IKZF1: variants seen among roughly 807,000 people sequenced by gnomAD.
IKZF1 encodes the protein IKAROS family zinc finger 1.
A neutral mutation model predicts 51.7 loss-of-function variants in IKZF1; 10 were observed. That is an observed-to-expected ratio of 0.19 (90% CI 0.12 to 0.33). IKZF1 has a LOEUF of 0.33. Among genes scored for constraint, IKZF1 ranks in the 10% least tolerant of loss-of-function variants. IKZF1 has a pLI of 1.00. For missense variants in IKZF1, 484 were observed against 707.5 expected, an observed-to-expected ratio of 0.68 and a Z score of 3.58; for synonymous variants, 280 against 282.3, an observed-to-expected ratio of 0.99 and a Z score of 0.08.
intron 6 of IKZF1, 140 bp from the exon 7 acceptor site, chr7:50,391,589 T>A: frequency 7.7e-7 from 1 of 1,300,868 alleles, no homozygotes; most frequent in Non-Finnish European, 1.0e-6. Context: ...TCTGGAAGTG[T>A]TGCTGGGAAG....
At chr7:50,326,848 T>A (rs1182461648) in intron 2 of IKZF1, among the ~76,000 whole-genome samples, 3 of 152,246 alleles carry the variant, frequency 2.0e-5, no homozygotes, top group African/African-American at 7.2e-5. Flanking sequence ...CAGTCTTCTT[T>A]TCCCCACTAA....
intron 3 of IKZF1, among the ~76,000 whole-genome samples, chr7:50,352,969 C>G (rs763227461): frequency 1.3e-5 from 2 of 152,148 alleles, no homozygotes; most frequent in African/African-American, 2.4e-5. Context: ...TTTTTTTATA[C>G]TTTGTTTTCT....
chr7:50,400,723 G>A lies in IKZF1; in HGVS notation c.*96G>A. The A allele has an allele frequency of 3.6e-6, 5 of 1,372,192 alleles. No individual in the cohort carries two copies. Among genetic ancestry groups the A allele is most frequent in the Middle Eastern group, 2.2e-4 (1 of 4,518 alleles). 85.0% of individuals were successfully genotyped at this position (1,372,192 alleles called of 1,614,324 possible). ...TCCCGCCAGCAGCATAGACTGGACT[G>A]GACCAGACAATGTTGTGTTTGGATT... On this transcript the variant is annotated 3_prime_UTR_variant, in exon 8 of 8. Transcript: ENST00000331340. The surrounding 1 kb of genome is among the most constrained non-coding windows in gnomAD (Gnocchi z 5.4).
intron 3 of IKZF1, chr7:50,368,222 A>G (rs1193570365): frequency 1.4e-6 from 1 of 703,254 alleles, no homozygotes; most frequent in Non-Finnish European, 2.6e-6. Context: ...GGGTATTTAT[A>G]CCATAAAGTG....
intron 3 of IKZF1, among the ~76,000 whole-genome samples, chr7:50,375,514 A>G (rs1809977912): frequency 6.6e-6 from 1 of 152,210 alleles, no homozygotes. Context: ...TCTCTTAGTC[A>G]TTATAGTGTT....
At chr7:50,305,248 T>TG (rs1291610085) in intron 1 of IKZF1, among the ~76,000 whole-genome samples, 1 of 152,214 alleles carries the variant, frequency 6.6e-6, no homozygotes, top group East Asian at 1.9e-4. Context: ...TAAAGTCGTG[T>TG]GTAAAGAGTT....
At chr7:50,372,425 T>C (rs1435250681) in intron 3 of IKZF1, among the ~76,000 whole-genome samples, 3 of 152,240 alleles carry the variant, frequency 2.0e-5, no homozygotes, top group Non-Finnish European at 4.4e-5. Flanking sequence ...CGTCATAACA[T>C]GGCTTAGAAG....
chr7:50,327,578 G>A (rs1795359858), intron 2 of IKZF1, 60 bp from the exon 3 acceptor site: 1 of 1,516,946 alleles, frequency 6.6e-7, no homozygotes, highest in Admixed American at 2.1e-5. Context: ...CAAAAGCCGG[G>A]GGAAGCCCAG....
chr7:50,391,964 ATTT>A (rs1222906994), intron 7 of IKZF1, 101 bp downstream of exon 7: 1 of 1,410,496 alleles, frequency 7.1e-7, no homozygotes, highest in African/African-American at 1.4e-5. Flanking sequence ...AAAAAATCTT[ATTT>A]TTTCAAAAGG....
Position 50,322,790 on chromosome 7 carries a change from C to T in IKZF1, c.40+3689C>T, listed in dbSNP as rs187879782. 2.6e-5 allele frequency among the ~76,000 whole-genome samples: 4 copies of T among 152,272 alleles called. No individual in the cohort carries two copies. The East Asian group carries it at 7.7e-4, about 29-fold the overall frequency. ...ATCAGCATCCCACCTCTACCTCCCA[C>T]GATGGGACCTGAGACAGTTATTTTT... On this transcript the variant is annotated intron_variant, in intron 2 of 7. Coordinates refer to ENST00000331340, the MANE Select transcript of IKZF1 (RefSeq NM_006060.6).
Position 50,400,434 on chromosome 7 carries a change from G to A in IKZF1, c.1367G>A (p.Gly456Glu), listed in dbSNP as rs1473108192. ...GCGCTCCGCGTGGTCAGCACCAGCG[G>A]GGAGCAGATGAAGGTGTACAAGTGC... Reference protein sequence around the residue: ...QDALRVVSTSGEQMKVYKCEH... With the variant: ...QDALRVVSTSEEQMKVYKCEH... The change falls in exon 8 of 8, where the codon GGG becomes GAG. Residue 456 changes from glycine (G) to glutamate (E), a missense_variant. Physicochemically the swap from Gly to Glu is moderately conservative, Grantham distance 98. Coordinates refer to ENST00000331340, the MANE Select transcript of IKZF1 (RefSeq NM_006060.6). The surrounding 1 kb of genome is among the most constrained non-coding windows in gnomAD (Gnocchi z 5.4). 6.2e-7 allele frequency: 1 copy of A among 1,613,934 alleles called. No homozygotes were observed. Among genetic ancestry groups the A allele is most frequent in the Non-Finnish European group, 8.5e-7 (1 of 1,179,870 alleles).
intron 3 of IKZF1, among the ~76,000 whole-genome samples, chr7:50,353,917 A>G (rs941975012): frequency 6.6e-6 from 1 of 152,168 alleles, no homozygotes; most frequent in Non-Finnish European, 1.5e-5. Context: ...CAGACCCTTC[A>G]TGCCACACTG....
At chr7:50,372,752 G>A (rs978527390) in intron 3 of IKZF1, among the ~76,000 whole-genome samples, 7 of 151,382 alleles carry the variant, frequency 4.6e-5, no homozygotes, top group Admixed American at 2.0e-4. Context: ...CATCTAGGTG[G>A]AGATCTAGGT....
chr7:50,357,207 C>G (rs960866038), intron 3 of IKZF1, among the ~76,000 whole-genome samples: 6 of 152,030 alleles, frequency 3.9e-5, no homozygotes, highest in Non-Finnish European at 8.8e-5. Context: ...CACCTCCCAC[C>G]ACAGGACCCC....
Position 50,399,960 on chromosome 7 carries a change from G to A in IKZF1, c.893G>A (p.Ser298Asn). ...LSDTPYDSSA[S>N]YEKENEMMKS... Reference sequence around the variant, plus strand: ...GACACGCCCTACGACAGCAGCGCCAGCTACGAGAAGGAGAACGAAATGATG... The same window carrying A: ...GACACGCCCTACGACAGCAGCGCCAACTACGAGAAGGAGAACGAAATGATG... The change falls in exon 8 of 8, where the codon AGC (serine) becomes AAC (asparagine). Residue 298 changes from serine to asparagine, a missense_variant. Physicochemically the swap from Ser to Asn is conservative, Grantham distance 46. Transcript: ENST00000331340. 1 of 1,613,508 alleles carries A rather than the reference G, an allele frequency of 6.2e-7. No individual in the cohort carries two copies. Among genetic ancestry groups the A allele is most frequent in the South Asian group, 1.1e-5 (1 of 90,876 alleles).
At chr7:50,311,815 A>G (rs1255829219) in intron 1 of IKZF1, among the ~76,000 whole-genome samples, 2 of 152,144 alleles carry the variant, frequency 1.3e-5, no homozygotes, top group Admixed American at 6.5e-5. Context: ...TTGTGACACC[A>G]TATGGCCTTG....
intron 7 of IKZF1, among the ~76,000 whole-genome samples, chr7:50,398,216 C>T (rs1413388294): frequency 6.6e-6 from 1 of 152,216 alleles, no homozygotes; most frequent in Non-Finnish European, 1.5e-5. Flanking sequence ...TGACTTATCC[C>T]TCACTTTTGC....
chr7:50,399,859 C>T, intron 7 of IKZF1, 59 bp from the exon 8 acceptor site: 1 of 1,543,584 alleles, frequency 6.5e-7, no homozygotes. Flanking sequence ...CTGTTGCTGC[C>T]AGACCTGACC....
In IKZF1 at chr7:50,319,216, A is replaced by G. The variant is rs532206192; in HGVS notation, c.40+115A>G. 1.0e-4 allele frequency: 76 copies of G among 747,314 alleles called. No homozygotes were observed. In the African/African-American group the frequency reaches 1.2e-3, roughly 12 times the overall value. The allele number at this position is 747,314 out of a possible 1,614,324, so 46.3% of individuals were successfully genotyped here. On this transcript the variant is annotated intron_variant, in intron 2 of 7. Coordinates refer to ENST00000331340, the MANE Select transcript of IKZF1 (RefSeq NM_006060.6). ...AGGAATAGGGGCTATTCTGCAAAAG[A>G]AAAGACCATGATGGAATTTGCCTGA...
Sources: gnomAD v4.1 joint callset for allele counts (sites outside exome capture counted in the v4.1 genomes callset) on GRCh38, gnomAD v4.1.1 for gene constraint, Gnocchi (gnomAD v3.1) non-coding constraint, MANE v1.5 for transcripts, NCBI Gene and HGNC (gene_info 2026-07-23, HGNC 2026-07-21) for gene names.